Variants in VIPR2 observed in about 807,000 individuals in gnomAD.
The protein encoded by VIPR2 is vasoactive intestinal peptide receptor 2, also known as vasoactive intestinal polypeptide receptor 2.
VIPR2 carries 48 observed loss-of-function variants against 58.0 expected under a neutral mutation model. The ratio of observed to expected loss-of-function variants is 0.83; its 90% CI spans 0.66 to 1.05. The LOEUF (loss-of-function observed/expected upper bound fraction) is 1.05, where lower values mean the gene tolerates loss of function less well. Ranked by LOEUF, VIPR2 falls within the 50% of genes least tolerant of loss-of-function variation. The probability of loss-of-function intolerance (pLI) is 0.00; values close to 1 mark genes in which losing one functional copy is unlikely to be tolerated. For missense variants in VIPR2, 534 were observed against 558.0 expected, an observed-to-expected ratio of 0.96 and a Z score of 0.43; for synonymous variants, 243 against 235.2, an observed-to-expected ratio of 1.03 and a Z score of -0.30.
chr7:159,032,454 C>T (rs112854651), intron 10 of VIPR2, among the ~76,000 whole-genome samples: 4 of 152,322 alleles, frequency 2.6e-5, no homozygotes, highest in African/African-American at 9.6e-5. Flanking sequence ...GGCTGGCCTC[C>T]ACCGCTGCCA....
At chr7:159,038,866 T>C (rs567660269) in intron 6 of VIPR2, among the ~76,000 whole-genome samples, 2 of 152,334 alleles carry the variant, frequency 1.3e-5, no homozygotes, top group South Asian at 2.1e-4. Flanking sequence ...TGACAAATCA[T>C]GAATCTGGAA....
At chr7:159,125,920 A>G (rs541386322) in intron 2 of VIPR2, among the ~76,000 whole-genome samples, 3 of 152,286 alleles carry the variant, frequency 2.0e-5, no homozygotes, top group African/African-American at 7.2e-5. Flanking sequence ...CCCTTCAGGG[A>G]GCAGTCGTAC....
intron 4 of VIPR2, among the ~76,000 whole-genome samples, chr7:159,088,867 T>C (rs1857329023): frequency 4.3e-5 from 3 of 69,636 alleles, no homozygotes; most frequent in Admixed American, 3.3e-4. Context: ...GCTCCTCATC[T>C]GGGGAATGGG....
chr7:159,143,869 G>A (rs1036461788), intron 1 of VIPR2, among the ~76,000 whole-genome samples: 1 of 152,364 alleles, frequency 6.6e-6, no homozygotes, highest in African/African-American at 2.4e-5. Flanking sequence ...GCCCACCCTC[G>A]AGGGAGGAAA....
Position 159,096,301 on chromosome 7 carries a change from T to C in VIPR2, c.357+7456A>G, listed in dbSNP as rs922329223. Among the ~76,000 whole-genome samples, 1 of 152,190 alleles carries C rather than the reference T, an allele frequency of 6.6e-6. No homozygotes were observed. The highest frequency in any genetic ancestry group is 1.5e-5 in the Non-Finnish European group (1 of 68,024). On this transcript the variant is annotated intron_variant, in intron 4 of 12. Transcript: ENST00000262178. The surrounding 1 kb of genome is among the most constrained non-coding windows in gnomAD (Gnocchi z 5.5). Reference sequence around the variant, plus strand: ...GGTGTGCAGACCCTGCTGCCTTGGATGGTCCATCCTGGGTCAGGCACGTAC... The same window carrying C: ...GGTGTGCAGACCCTGCTGCCTTGGACGGTCCATCCTGGGTCAGGCACGTAC...
At chr7:159,037,519 T>C (rs1854052305) in intron 6 of VIPR2, among the ~76,000 whole-genome samples, 1 of 150,902 alleles carries the variant, frequency 6.6e-6, no homozygotes, top group African/African-American at 2.4e-5. Flanking sequence ...GGCCCCAGAC[T>C]TTTTTTTTAA....
chr7:159,037,031 G>A, intron 6 of VIPR2, 129 bp from the exon 7 acceptor site: 2 of 1,159,884 alleles, frequency 1.7e-6, no homozygotes, highest in East Asian at 2.6e-5. Context: ...GGTGCCATTG[G>A]GAAGGAAAGT....
In VIPR2 at chr7:159,097,529, G is replaced by A. The variant is rs1205352778; in HGVS notation, c.357+6228C>T. Reference sequence around the variant, plus strand: ...GCAATGGCAGGGCTGTGAGTGCCCAGGGTGTTAGAGATTCTACTGCCTTGC... The same window carrying A: ...GCAATGGCAGGGCTGTGAGTGCCCAAGGTGTTAGAGATTCTACTGCCTTGC... On this transcript the variant is annotated intron_variant, in intron 4 of 12. Coordinates refer to ENST00000262178, the MANE Select transcript of VIPR2 (RefSeq NM_003382.5). This position sits in a 1 kb window ranked among gnomAD's most constrained non-coding sequence, Gnocchi z 5.3. 6.6e-6 allele frequency among the ~76,000 whole-genome samples: 1 copy of A among 152,092 alleles called. No homozygotes were observed. Among genetic ancestry groups the A allele is most frequent in the Non-Finnish European group, 1.5e-5 (1 of 68,022 alleles).
chr7:159,110,339 G>T (rs547860048), intron 2 of VIPR2, among the ~76,000 whole-genome samples: 1 of 152,296 alleles, frequency 6.6e-6, no homozygotes, highest in South Asian at 2.1e-4. Flanking sequence ...ATATTTGTTT[G>T]ATTTTTCACT....
intron 4 of VIPR2, among the ~76,000 whole-genome samples, chr7:159,101,792 C>A (rs1476771285): frequency 7.4e-6 from 1 of 134,384 alleles, no homozygotes; most frequent in Non-Finnish European, 1.6e-5. Context: ...ACGGGTCTCA[C>A]GAGATCCGAC....
chr7:159,124,021 G>A (rs1383448739), intron 2 of VIPR2, among the ~76,000 whole-genome samples: 1 of 152,100 alleles, frequency 6.6e-6, no homozygotes, highest in African/African-American at 2.4e-5. Context: ...AAATTCGTTT[G>A]AGTTCCTTAT....
intron 1 of VIPR2, among the ~76,000 whole-genome samples, chr7:159,142,899 G>A (rs1474481530): frequency 6.6e-6 from 1 of 152,196 alleles, no homozygotes; most frequent in Non-Finnish European, 1.5e-5. Flanking sequence ...TGGTTTAAGC[G>A]GATGCCTGTG....
chr7:159,063,988 G>A (rs1403538418), intron 4 of VIPR2, among the ~76,000 whole-genome samples: 2 of 151,696 alleles, frequency 1.3e-5, no homozygotes, highest in African/African-American at 2.4e-5. Flanking sequence ...TGCTCACACC[G>A]GGCTGGGGTT....
At chr7:159,040,272 C>T (rs904572217) in intron 6 of VIPR2, among the ~76,000 whole-genome samples, 7 of 152,204 alleles carry the variant, frequency 4.6e-5, no homozygotes, top group African/African-American at 1.2e-4. Flanking sequence ...TGAGGAACCC[C>T]GGCCAGGAGA....
At chr7:159,143,342 C>A (rs973655149) in intron 1 of VIPR2, among the ~76,000 whole-genome samples, 15 of 152,206 alleles carry the variant, frequency 9.9e-5, no homozygotes, top group African/African-American at 2.4e-4. Context: ...GGGCTCCCCC[C>A]ACCCATCCTT....
intron 8 of VIPR2, among the ~76,000 whole-genome samples, chr7:159,035,458 G>A (rs1585328358): frequency 6.6e-6 from 1 of 152,338 alleles, no homozygotes; most frequent in Non-Finnish European, 1.5e-5. Flanking sequence ...CCTTTAAAAG[G>A]CAAGATATTT....
chr7:159,125,359 A>G (rs571260651), intron 2 of VIPR2, among the ~76,000 whole-genome samples: 54 of 152,236 alleles, frequency 3.5e-4, no homozygotes, highest in African/African-American at 1.3e-3. Flanking sequence ...CTGCAGTGTA[A>G]GATGTTCTTG....
At chr7:159,138,606 G>T (rs1369447084) in intron 2 of VIPR2, among the ~76,000 whole-genome samples, 2 of 152,184 alleles carry the variant, frequency 1.3e-5, no homozygotes, top group African/African-American at 4.8e-5. Context: ...CAAAACAGTT[G>T]CCAAATACAT....
rs1342686715 is a variant in VIPR2 at position 159,101,496 on chromosome 7, G to A, written c.357+2261C>T. On this transcript the variant is annotated intron_variant, in intron 4 of 12. Coordinates refer to ENST00000262178, the MANE Select transcript of VIPR2 (RefSeq NM_003382.5). Reference sequence around the variant, plus strand: ...CGAGATCCGACAAGGCCGTTCCCCCGACCGTTCCTGTGGTAGTGAACGGGT... The same window carrying A: ...CGAGATCCGACAAGGCCGTTCCCCCAACCGTTCCTGTGGTAGTGAACGGGT... 6.8e-5 allele frequency among the ~76,000 whole-genome samples: 9 copies of A among 132,676 alleles called. 1 individual carries two copies. The highest frequency in any genetic ancestry group is 2.3e-4 in the East Asian group (1 of 4,342). 87.0% of individuals were successfully genotyped at this position (132,676 alleles called of 152,430 possible). A position where few individuals can be genotyped will look rare whatever the true frequency, so the allele number is the denominator to read the frequency against.
Sources: gnomAD v4.1 joint callset for allele counts (sites outside exome capture counted in the v4.1 genomes callset) on GRCh38, gnomAD v4.1.1 for gene constraint, Gnocchi (gnomAD v3.1) non-coding constraint, MANE v1.5 for transcripts, NCBI Gene and HGNC (gene_info 2026-07-23, HGNC 2026-07-21) for gene names.